The following NEBL variants were observed in gnomAD, a reference collection of about 807,000 sequenced individuals.
NEBL encodes nebulette.
A neutral mutation model predicts 140.2 loss-of-function variants in NEBL; 122 were observed. The ratio of observed to expected loss-of-function variants is 0.87; its 90% confidence interval spans 0.75 to 1.01. The LOEUF (loss-of-function observed/expected upper bound fraction) is 1.01. Among genes scored for constraint, NEBL ranks in the 50% least tolerant of loss-of-function variants. The probability of loss-of-function intolerance (pLI) is 0.00; values close to 1 mark genes in which losing one functional copy is unlikely to be tolerated. For missense variants in NEBL, 1,365 were observed against 1,231.3 expected, an observed-to-expected ratio of 1.11 and a Z score of -1.62; for synonymous variants, 436 against 398.9, an observed-to-expected ratio of 1.09 and a Z score of -1.11.
chr10:20,948,293 A>G (rs935869312), intron 4 of NEBL, among the ~76,000 whole-genome samples: 1 of 152,228 alleles, frequency 6.6e-6, no homozygotes, highest in Non-Finnish European at 1.5e-5. Context: ...ATGCCTTTCA[A>G]CCAATAACAT....
exon 4 of NEBL, chr10:20,961,753 T>G (rs1444532163): frequency 6.2e-7 from 1 of 1,613,810 alleles, no homozygotes. Flanking sequence ...TCCCTTTGCT[T>G]TCTTCAAAAT....
intron 24 of NEBL, 94 bp downstream of exon 24, chr10:20,812,675 G>A (rs1838276356): frequency 1.4e-6 from 2 of 1,437,814 alleles, no homozygotes; most frequent in South Asian, 1.2e-5. Flanking sequence ...AACATGTGAT[G>A]AGGAGTCAGA....
chr10:21,270,627 C>T (rs951621678), intron 1 of NEBL, among the ~76,000 whole-genome samples: 8 of 152,238 alleles, frequency 5.3e-5, no homozygotes, highest in East Asian at 1.9e-4. Context: ...CTTGGCCTCC[C>T]GAAGTGTTGG....
In NEBL at chr10:20,982,480, G is replaced by T. The variant is rs185923819; in HGVS notation, c.250-20701C>A. On this transcript the variant is annotated intron_variant, in intron 3 of 6. Coordinates refer to the NEBL transcript ENST00000417816. ...AAGTACACTATAATATCACTAAAATGGTATTTAAAACAATTTTCAGAGGAG... is the reference window on the plus strand; with the variant it reads ...AAGTACACTATAATATCACTAAAATTGTATTTAAAACAATTTTCAGAGGAG... 1.7e-4 allele frequency among the ~76,000 whole-genome samples: 26 copies of T among 152,204 alleles called. No homozygotes were observed. In the East Asian group the frequency reaches 2.3e-3, roughly 14 times the overall value.
chr10:21,100,249 C>A (rs1589233439), intron 2 of NEBL, among the ~76,000 whole-genome samples: 1 of 152,288 alleles, frequency 6.6e-6, no homozygotes, highest in African/African-American at 2.4e-5. Flanking sequence ...TGGTACCCGA[C>A]CATTCCCCAC....
intron 12 of NEBL, among the ~76,000 whole-genome samples, chr10:20,842,318 C>T (rs1194050951): frequency 6.6e-6 from 1 of 152,018 alleles, no homozygotes; most frequent in Non-Finnish European, 1.5e-5. Context: ...TTAAGTAACT[C>T]AACCTTGATT....
chr10:20,831,680 G>T, intron 14 of NEBL, 97 bp from the exon 15 acceptor site: 1 of 759,064 alleles, frequency 1.3e-6, no homozygotes. Flanking sequence ...ATGTCTTTTG[G>T]AATGAAGTTG....
At chr10:20,817,030 G>A (rs1472088560) in intron 21 of NEBL, among the ~76,000 whole-genome samples, 1 of 152,056 alleles carries the variant, frequency 6.6e-6, no homozygotes. Context: ...GGGACTTGAG[G>A]AGACCATAGC....
rs774001262 is a variant in NEBL, at chr10:20,845,312, TA to T, written c.1172del (p.Leu391Ter). 11 of 1,606,908 alleles carry T rather than the reference TA, an allele frequency of 6.8e-6. No homozygotes were observed. In the Admixed American group the frequency reaches 1.5e-4, roughly 22 times the overall value. ...CATGTAAAAATTCTGGAGTCTTGTCTAAATCCAGTGATGACCTTCCTTTAAT... is the reference window on the plus strand; with the variant it reads ...CATGTAAAAATTCTGGAGTCTTGTCTAATCCAGTGATGACCTTCCTTTAAT... ...KEIKGRSSLDLDKTPEFLHVK... is the reference protein window; with the variant it reads ...KEIKGRSSLDXDKTPEFLHVK... On this transcript the variant is annotated frameshift_variant, in exon 12 of 28. Transcript: ENST00000377122. LOFTEE classifies it high-confidence loss of function.
At chr10:20,997,747 T>C in intron 3 of NEBL, among the ~76,000 whole-genome samples, 1 of 152,142 alleles carries the variant, frequency 6.6e-6, no homozygotes, top group Non-Finnish European at 1.5e-5. Context: ...TGATCAGTAG[T>C]ATAGCAATAA....
chr10:20,868,006 C>T (rs944289131), intron 7 of NEBL: 1 of 149,854 alleles, frequency 6.7e-6, no homozygotes, highest in African/African-American at 2.5e-5. Flanking sequence ...AGGCTATTCC[C>T]TGGTATTTTC....
intron 2 of NEBL, among the ~76,000 whole-genome samples, chr10:21,084,142 T>C (rs144188474): frequency 3.4e-3 from 517 of 152,362 alleles, no homozygotes; most frequent in African/African-American, 0.012. Flanking sequence ...AGATTGGGTA[T>C]TAAATTCTGC....
intron 2 of NEBL, among the ~76,000 whole-genome samples, chr10:21,022,992 T>C (rs1038054500): frequency 1.3e-5 from 2 of 152,232 alleles, no homozygotes; most frequent in African/African-American, 2.4e-5. Context: ...CTGAACTATG[T>C]TCCAGACAAT....
At chr10:21,291,979 TG>T (rs1202109198) in intron 1 of NEBL, among the ~76,000 whole-genome samples, 1 of 149,192 alleles carries the variant, frequency 6.7e-6, no homozygotes, top group Non-Finnish European at 1.5e-5. Context: ...TGATAATTGC[TG>T]TTATAAGTTT....
At chr10:21,068,935 C>T (rs759912984) in intron 2 of NEBL, among the ~76,000 whole-genome samples, 2 of 152,158 alleles carry the variant, frequency 1.3e-5, no homozygotes, top group Non-Finnish European at 2.9e-5. Context: ...ACCCAGACTA[C>T]AGTGTACAAG....
intron 18 of NEBL, among the ~76,000 whole-genome samples, chr10:20,824,226 AGGCCG>A (rs1839624026): frequency 6.6e-6 from 1 of 152,234 alleles, no homozygotes; most frequent in South Asian, 2.1e-4. Context: ...TCAACTTAAG[AGGCCG>A]TGTTGAAATT....
rs200574474 is a variant in NEBL, at chr10:20,813,941, T to C, written c.2344A>G (p.Met782Val). The C allele has an allele frequency of 2.6e-4, 404 of 1,576,638 alleles. No homozygotes were observed. Among genetic ancestry groups the C allele is most frequent in the East Asian group, 3.4e-4 (15 of 44,646 alleles). ...AGAATGATCTGGTTGGACCCTACCA[T>C]TGAAATATGATTTTGTGCTTCTTTA... is the stretch of plus-strand genomic sequence containing the variant. The part of the protein sequence containing the change: ...HVKEAQNHIS[M>V]VKYHEDFEKT... Residue 782 changes from methionine (M) to valine (V), a missense_variant and splice_region_variant, in exon 23 of 28, where the codon ATG becomes GTG. Around this residue, in one of 2 missense-constraint regions of NEBL, gnomAD observed 1,323 missense variants for 1,154.8 expected, o/e 1.15. Transcript: ENST00000377122.
intron 2 of NEBL, among the ~76,000 whole-genome samples, chr10:21,059,318 C>T (rs1476021646): frequency 6.6e-6 from 1 of 152,188 alleles, no homozygotes; most frequent in African/African-American, 2.4e-5. Context: ...CTGTTGGATG[C>T]TGAGTGAAAG....
At chr10:20,871,660 T>C (rs759021331) in intron 5 of NEBL, among the ~76,000 whole-genome samples, 11 of 152,164 alleles carry the variant, frequency 7.2e-5, no homozygotes, top group Non-Finnish European at 1.2e-4. Flanking sequence ...ACACAATTAG[T>C]ATAATTTCAG....
Sources: allele counts gnomAD v4.1 joint callset (sites outside exome capture counted in the v4.1 genomes callset), GRCh38; gene constraint gnomAD v4.1.1; regional missense constraint gnomAD v4.1.1; transcripts MANE v1.5; gene names NCBI Gene and HGNC (gene_info 2026-07-23, HGNC 2026-07-21).